The following ATP6V0A2 variants were observed in gnomAD, a reference collection of about 807,000 sequenced individuals.
ATP6V0A2 encodes the protein ATPase H+ transporting V0 subunit a2, also known as V-type proton ATPase 116 kDa subunit a 2.
A neutral mutation model predicts 104.4 loss-of-function variants in ATP6V0A2; 58 were observed. The observed-to-expected ratio is 0.56, with a 90% CI of 0.45 to 0.69. The LOEUF (loss-of-function observed/expected upper bound fraction) is 0.69, where lower values mean the gene tolerates loss of function less well. ATP6V0A2 is among the 30% of genes least tolerant of loss of function. The pLI is 0.00. For synonymous variants in ATP6V0A2, 376 were observed against 397.9 expected (o/e 0.95, Z 0.65); for missense variants, 938 against 1,062.9 (o/e 0.88, Z 1.63).
At chr12:123,729,979 C>G (rs7956751) in intron 6 of ATP6V0A2, among the ~76,000 whole-genome samples, 96,417 of 146,398 alleles carry the variant, frequency 0.66, 31,631 homozygotes, top group East Asian at 0.93. Context: ...ACCACATCTG[C>G]TGAATTTTTT....
At position 123,756,854 on chromosome 12, in the gene ATP6V0A2, G is replaced by GCCT; in HGVS notation, c.2336_2338dup (p.Leu779dup). 1 of 1,614,156 alleles carries GCCT rather than the reference G, an allele frequency of 6.2e-7. No individual in the cohort carries two copies. The highest frequency in any genetic ancestry group is 1.3e-5 in the African/African-American group (1 of 75,042). On this transcript the variant is annotated inframe_insertion, in exon 19 of 20. Transcript: ENST00000330342. ...CTGTGGGCCATGCTGATGCGCGTGG[G>GCCT]CCTCCGCGTTGACACCACCTATGGC...
intron 1 of ATP6V0A2, among the ~76,000 whole-genome samples, chr12:123,715,259 A>G (rs1466764924): frequency 6.6e-6 from 1 of 152,170 alleles, no homozygotes; most frequent in Non-Finnish European, 1.5e-5. Context: ...GAAAGCTGAG[A>G]AGTAGTATCC....
Position 123,760,515 on chromosome 12 carries a change from C to G in ATP6V0A2, c.*2483C>G, listed in dbSNP as rs1440440331. The G allele has an allele frequency of 6.6e-6, 1 of 152,156 alleles. No homozygotes were observed. Among genetic ancestry groups the G allele is most frequent in the East Asian group, 1.9e-4 (1 of 5,198 alleles). The allele number at this position is 152,156 out of a possible 1,614,324, so 9.4% of individuals were successfully genotyped here. A position where few individuals can be genotyped will look rare whatever the true frequency, so the allele number is the denominator to read the frequency against. On this transcript the variant is annotated 3_prime_UTR_variant, in exon 20 of 20. Coordinates refer to ENST00000330342, the MANE Select transcript of ATP6V0A2 (RefSeq NM_012463.4). The stretch of plus-strand genomic sequence containing the variant: ...TCCAGTTTTTAAAACATACTTCATT[C>G]CCTTGATAGCAGAGATCCAGAGCAC...
intron 3 of ATP6V0A2, chr12:123,723,131 C>T (rs1309526073): frequency 6.6e-6 from 1 of 152,214 alleles, no homozygotes; most frequent in African/African-American, 2.4e-5. Context: ...GTTGCGGGCT[C>T]CTCTGTTTGT....
intron 6 of ATP6V0A2, among the ~76,000 whole-genome samples, chr12:123,729,620 A>C (rs1195656180): frequency 6.6e-6 from 1 of 152,138 alleles, no homozygotes; most frequent in Non-Finnish European, 1.5e-5. Flanking sequence ...TAAACTTCAA[A>C]GTAAAAATAA....
intron 15 of ATP6V0A2, chr12:123,750,287 G>A (rs1387533405): frequency 6.6e-6 from 1 of 152,332 alleles, no homozygotes; most frequent in Non-Finnish European, 1.5e-5. Flanking sequence ...GCTCAGGGCA[G>A]TCCTGGTCAC....
intron 1 of ATP6V0A2, among the ~76,000 whole-genome samples, chr12:123,717,336 AGAG>A (rs1467058131): frequency 2.8e-5 from 4 of 142,512 alleles, no homozygotes; most frequent in African/African-American, 5.0e-5. Context: ...AAAAAAAAAA[AGAG>A]AAAGTCATCC....
intron 6 of ATP6V0A2, chr12:123,732,313 C>G (rs1956509012): frequency 6.5e-6 from 1 of 154,170 alleles, no homozygotes; most frequent in Non-Finnish European, 1.4e-5. Context: ...ACTTGCCTCG[C>G]CTGGCTGGGC....
At chr12:123,756,500 C>T (rs1002495665) in intron 18 of ATP6V0A2, 1 of 335,392 alleles carries the variant, frequency 3.0e-6, no homozygotes, top group African/African-American at 2.1e-5. Flanking sequence ...AGAACCAGGC[C>T]TGGGAGCCTG....
intron 18 of ATP6V0A2, 117 bp from the exon 19 acceptor site, chr12:123,756,698 A>T: frequency 9.2e-7 from 1 of 1,085,408 alleles, no homozygotes; most frequent in Non-Finnish European, 1.4e-6. Context: ...ATGTGTGTCT[A>T]TTATTTTATG....
At chr12:123,714,610 G>A (rs559015854) in intron 1 of ATP6V0A2, among the ~76,000 whole-genome samples, 3 of 152,250 alleles carry the variant, frequency 2.0e-5, no homozygotes, top group East Asian at 3.9e-4. Context: ...GAGTATCAAT[G>A]GCTGTGAATA....
At position 123,718,670 on chromosome 12, in the gene ATP6V0A2, G is replaced by A. The variant is rs775032913; in HGVS notation, c.165G>A (p.Val55=). 8.1e-6 allele frequency: 13 copies of A among 1,612,336 alleles called. No individual in the cohort carries two copies. Among genetic ancestry groups the A allele is most frequent in the Non-Finnish European group, 1.1e-5 (13 of 1,179,050 alleles). The change falls in exon 2 of 20, where the codon GTG becomes GTA. Residue 55 remains valine, a synonymous_variant. Coordinates refer to ENST00000330342, the MANE Select transcript of ATP6V0A2 (RefSeq NM_012463.4). The part of the protein sequence containing the change: ...SSFQRKFVGE[V]KRCEELERIL... ...TCCAAAGAAAATTTGTTGGTGAGGTGAAGAGGTGTGAAGAGCTAGAGCGAA... is the reference window on the plus strand; with the variant it reads ...TCCAAAGAAAATTTGTTGGTGAGGTAAAGAGGTGTGAAGAGCTAGAGCGAA...
At chr12:123,736,941 G>T in intron 8 of ATP6V0A2, 118 bp from the exon 9 acceptor site, 1 of 997,530 alleles carries the variant, frequency 1.0e-6, no homozygotes, top group South Asian at 1.3e-5. Flanking sequence ...AGGATAGGCA[G>T]GTGCCTGGAA....
chr12:123,724,829 T>C, intron 4 of ATP6V0A2, 38 bp downstream of exon 4: 1 of 1,589,568 alleles, frequency 6.3e-7, no homozygotes, highest in Non-Finnish European at 8.6e-7. Flanking sequence ...GCTGTTTTTA[T>C]AAACAGCTTT....
At chr12:123,736,773 C>T (rs1265374297) in intron 8 of ATP6V0A2, among the ~76,000 whole-genome samples, 1 of 152,122 alleles carries the variant, frequency 6.6e-6, no homozygotes, top group Non-Finnish European at 1.5e-5. Flanking sequence ...GCCGCAGTGA[C>T]AATGACGTCT....
chr12:123,727,223 CG>C (rs1430202664), intron 5 of ATP6V0A2, among the ~76,000 whole-genome samples: 2 of 152,020 alleles, frequency 1.3e-5, no homozygotes, highest in Non-Finnish European at 2.9e-5. Flanking sequence ...TCTTAAGATA[CG>C]GGGTTCAGTG....
At chr12:123,735,905 T>C (rs1349164356) in intron 8 of ATP6V0A2, among the ~76,000 whole-genome samples, 1 of 152,168 alleles carries the variant, frequency 6.6e-6, no homozygotes, top group Non-Finnish European at 1.5e-5. Context: ...AGGCTCTCGC[T>C]CTGTCGCCCA....
chr12:123,737,378 AGTGTG>A (rs1205996755), intron 9 of ATP6V0A2, 107 bp downstream of exon 9: 2 of 1,059,872 alleles, frequency 1.9e-6, no homozygotes, highest in South Asian at 2.7e-5. Context: ...ATGAGAATGC[AGTGTG>A]TTGACTCTTC....
rs7312396 is a variant in ATP6V0A2 at position 123,735,142 on chromosome 12, C to T, written c.732-389C>T. 5.0e-3 allele frequency among the ~76,000 whole-genome samples: 740 copies of T among 148,498 alleles called. 6 individuals carry two copies. The highest frequency in any genetic ancestry group is 0.018 in the African/African-American group (716 of 40,334). On this transcript the variant is annotated intron_variant, in intron 7 of 19. Transcript: ENST00000330342. ...CAGAGCTCTTTTCTCCTTTTGTTTT[C>T]GTGTGTGTGTGTGTGTGTGTGTGTC...
Sources: gnomAD v4.1 joint callset for allele counts (sites outside exome capture counted in the v4.1 genomes callset) on GRCh38, gnomAD v4.1.1 for gene constraint, MANE v1.5 for transcripts, NCBI Gene and HGNC (gene_info 2026-07-23, HGNC 2026-07-21) for gene names.